HS6ST3: variants seen among roughly 807,000 people sequenced by gnomAD.
The protein encoded by HS6ST3 is heparan sulfate 6-O-sulfotransferase 3.
HS6ST3 carries 12 observed loss-of-function variants against 36.7 expected under a neutral mutation model. That is an observed-to-expected ratio of 0.33 (90% CI 0.21 to 0.53). The LOEUF (loss-of-function observed/expected upper bound fraction) is 0.53, where lower values mean the gene tolerates loss of function less well. Ranked by LOEUF, HS6ST3 falls within the 20% of genes least tolerant of loss-of-function variation. HS6ST3 has a pLI of 0.95. For missense variants in HS6ST3, 584 were observed against 640.9 expected (o/e 0.91, Z 0.96); for synonymous variants, 240 against 257.5 (o/e 0.93, Z 0.65).
At chr13:96,253,813 T>C (rs1391562310) in intron 1 of HS6ST3, among the ~76,000 whole-genome samples, 1 of 152,230 alleles carries the variant, frequency 6.6e-6, no homozygotes, top group Non-Finnish European at 1.5e-5. Flanking sequence ...TATGTGTCCA[T>C]GTCCCTAATA....
At chr13:96,192,005 C>G (rs888738736) in intron 1 of HS6ST3, among the ~76,000 whole-genome samples, 3 of 152,118 alleles carry the variant, frequency 2.0e-5, no homozygotes, top group African/African-American at 7.2e-5. Flanking sequence ...CACACAACCC[C>G]AGAGTTTGAC....
At chr13:96,385,345 C>T (rs1172362871) in intron 1 of HS6ST3, among the ~76,000 whole-genome samples, 1 of 152,084 alleles carries the variant, frequency 6.6e-6, no homozygotes, top group Admixed American at 6.5e-5. Context: ...ATCTATAAGA[C>T]CTCAATAACA....
intron 1 of HS6ST3, among the ~76,000 whole-genome samples, chr13:96,475,303 C>T (rs1016339648): frequency 3.9e-5 from 6 of 152,072 alleles, no homozygotes; most frequent in Admixed American, 6.6e-5. Context: ...CAGGACAGTC[C>T]GTGCTCCTGT....
intron 1 of HS6ST3, among the ~76,000 whole-genome samples, chr13:96,603,583 T>C (rs2056428968): frequency 6.6e-6 from 1 of 152,190 alleles, no homozygotes; most frequent in African/African-American, 2.4e-5. Flanking sequence ...TACCTAAAAG[T>C]GGAATTGCTG....
chr13:96,543,644 T>G (rs2138943796), intron 1 of HS6ST3, among the ~76,000 whole-genome samples: 1 of 152,264 alleles, frequency 6.6e-6, no homozygotes, highest in African/African-American at 2.4e-5. Flanking sequence ...CCAAGCCAAT[T>G]TCTTCACCTG....
chr13:96,799,783 AT>A (rs1297677161), intron 1 of HS6ST3, among the ~76,000 whole-genome samples: 4 of 141,674 alleles, frequency 2.8e-5, no homozygotes, highest in African/African-American at 1.2e-4. Flanking sequence ...AAGTATAATA[AT>A]AAAAAAAAAA....
In HS6ST3 at chr13:96,620,404, T is replaced by G. The variant is rs183077360; in HGVS notation, c.708-212086T>G. On this transcript the variant is annotated intron_variant, in intron 1 of 1. Coordinates refer to ENST00000376705, the MANE Select transcript of HS6ST3 (RefSeq NM_153456.4). ...AGAGCAGTATTCAGGCTATTTAATGTTCAGTTTGTGCTTATGTGTGATTTT... is the reference window on the plus strand; with the variant it reads ...AGAGCAGTATTCAGGCTATTTAATGGTCAGTTTGTGCTTATGTGTGATTTT... Among the ~76,000 whole-genome samples, 14 of 152,326 alleles carry G rather than the reference T, an allele frequency of 9.2e-5. No individual in the cohort carries two copies. In the East Asian group the frequency reaches 2.7e-3, roughly 29 times the overall value.
chr13:96,715,491 G>T (rs1319098004), intron 1 of HS6ST3, among the ~76,000 whole-genome samples: 1 of 151,984 alleles, frequency 6.6e-6, no homozygotes, highest in African/African-American at 2.4e-5. Flanking sequence ...TATTTATTAT[G>T]TTATCTATAC....
chr13:96,354,635 C>CTATTAATAA (rs2055200821), intron 1 of HS6ST3, among the ~76,000 whole-genome samples: 1 of 151,980 alleles, frequency 6.6e-6, no homozygotes, highest in East Asian at 1.9e-4. Context: ...GTGGAAGTAA[C>CTATTAATAA]AAATAATAAT....
intron 1 of HS6ST3, among the ~76,000 whole-genome samples, chr13:96,745,577 A>G (rs1162325055): frequency 6.6e-6 from 1 of 152,270 alleles, no homozygotes; most frequent in East Asian, 1.9e-4. Flanking sequence ...GAGAGTCACC[A>G]TGCCCCCATT....
At chr13:96,391,554 G>A (rs1474126781) in intron 1 of HS6ST3, among the ~76,000 whole-genome samples, 7 of 152,094 alleles carry the variant, frequency 4.6e-5, no homozygotes, top group African/African-American at 7.2e-5. Context: ...TCACACTGCC[G>A]ATAGACATAC....
At position 96,250,236 on chromosome 13, in the gene HS6ST3, G is replaced by A. The variant is rs117094676; in HGVS notation, c.707+158667G>A. Among the ~76,000 whole-genome samples, 8 of 152,314 alleles carry A rather than the reference G, an allele frequency of 5.3e-5. No individual in the cohort carries two copies. In the East Asian group the frequency reaches 1.3e-3, roughly 26 times the overall value. Reference sequence around the variant, plus strand: ...ACTTCAGCAGAGGTAGTGTTCTAGGGCAGTGGGAGAACAAACCCCATAAAA... The same window carrying A: ...ACTTCAGCAGAGGTAGTGTTCTAGGACAGTGGGAGAACAAACCCCATAAAA... On this transcript the variant is annotated intron_variant, in intron 1 of 1. Transcript: ENST00000376705.
intron 1 of HS6ST3, among the ~76,000 whole-genome samples, chr13:96,525,681 T>A (rs769425320): frequency 5.9e-5 from 9 of 152,250 alleles, no homozygotes; most frequent in Non-Finnish European, 1.2e-4. Flanking sequence ...TTTTGCCACC[T>A]AGTTAGAATG....
At chr13:96,215,327 C>A (rs1032055427) in intron 1 of HS6ST3, among the ~76,000 whole-genome samples, 2 of 152,128 alleles carry the variant, frequency 1.3e-5, no homozygotes, top group South Asian at 4.1e-4. Context: ...TAATGGGTAA[C>A]GAGACACAGC....
At chr13:96,698,369 A>G (rs1875190275) in intron 1 of HS6ST3, among the ~76,000 whole-genome samples, 1 of 152,208 alleles carries the variant, frequency 6.6e-6, no homozygotes, top group Non-Finnish European at 1.5e-5. Context: ...TACAAAGGAC[A>G]TGAACTCATC....
chr13:96,831,960 A>AC (rs1566464263), intron 1 of HS6ST3, among the ~76,000 whole-genome samples: 70 of 141,876 alleles, frequency 4.9e-4, no homozygotes, highest in African/African-American at 1.9e-3. Flanking sequence ...CTCTCAAAAA[A>AC]AAAAAAAAAA....
chr13:96,525,051 T>C (rs1482636284), intron 1 of HS6ST3, among the ~76,000 whole-genome samples: 2 of 152,232 alleles, frequency 1.3e-5, no homozygotes, highest in Non-Finnish European at 2.9e-5. Flanking sequence ...ACAGATATAT[T>C]GAATAATGAA....
intron 1 of HS6ST3, among the ~76,000 whole-genome samples, chr13:96,164,797 G>A (rs1594700702): frequency 1.3e-5 from 2 of 152,040 alleles, no homozygotes; most frequent in Non-Finnish European, 1.5e-5. Flanking sequence ...GGTCTTACAT[G>A]TATTTCTAAT....
chr13:96,523,573 CTT>C (rs765487976), intron 1 of HS6ST3, among the ~76,000 whole-genome samples: 1 of 151,876 alleles, frequency 6.6e-6, no homozygotes, highest in Non-Finnish European at 1.5e-5. Context: ...TCCTTTCACT[CTT>C]TTTTTTCTCT....
Sources: gnomAD v4.1 joint callset for allele counts (sites outside exome capture counted in the v4.1 genomes callset) on GRCh38, gnomAD v4.1.1 for gene constraint, MANE v1.5 for transcripts, NCBI Gene and HGNC (gene_info 2026-07-23, HGNC 2026-07-21) for gene names.